FHIT: variants seen among roughly 807,000 people sequenced by gnomAD.
FHIT encodes the protein fragile histidine triad diadenosine triphosphatase.
FHIT carries 19 observed loss-of-function variants against 17.9 expected under a neutral mutation model. The observed-to-expected ratio is 1.06, with a 90% CI of 0.74 to 1.56. The LOEUF is 1.56. Ranked by LOEUF, FHIT falls within the 40% of genes most tolerant of loss-of-function variation. The probability of loss-of-function intolerance (pLI) is 0.00; values close to 1 mark genes in which losing one functional copy is unlikely to be tolerated. For synonymous variants in FHIT, 81 were observed against 69.7 expected, an observed-to-expected ratio of 1.16 and a Z score of -0.81; for missense variants, 248 against 189.2, an observed-to-expected ratio of 1.31 and a Z score of -1.82.
chr3:60,368,688 T>G (rs1447848674), intron 5 of FHIT, among the ~76,000 whole-genome samples: 1 of 152,140 alleles, frequency 6.6e-6, no homozygotes, highest in Non-Finnish European at 1.5e-5. Flanking sequence ...GTTCAATTTA[T>G]TAACTTATTT....
rs182284277 is a variant in FHIT at position 59,801,217 on chromosome 3, C to A, written c.349-48896G>T. Among the ~76,000 whole-genome samples, 377 of 152,266 alleles carry A rather than the reference C, an allele frequency of 2.5e-3. 3 individuals are homozygous for A. The highest frequency in any genetic ancestry group is 4.9e-4 in the Non-Finnish European group (33 of 68,024). ...TTTAATCCTTATGGCAATCCCATAA[C>A]CCTATAGGAAGCAGTCATCCTTTTA... On this transcript the variant is annotated intron_variant, in intron 8 of 9. Transcript: ENST00000492590.
chr3:59,842,373 A>G (rs191747944), intron 8 of FHIT, among the ~76,000 whole-genome samples: 102 of 152,316 alleles, frequency 6.7e-4, no homozygotes, highest in Non-Finnish European at 1.2e-3. Context: ...AATGTGGGTG[A>G]ACATGGGCGT....
chr3:60,562,421 G>A (rs1178710994), intron 4 of FHIT, among the ~76,000 whole-genome samples: 1 of 152,150 alleles, frequency 6.6e-6, no homozygotes, highest in African/African-American at 2.4e-5. Flanking sequence ...AAATTGGCCA[G>A]GTGGCGTCTC....
chr3:60,250,136 G>C (rs1559761226), intron 5 of FHIT, among the ~76,000 whole-genome samples: 2 of 151,460 alleles, frequency 1.3e-5, no homozygotes. Context: ...AGGGGAAAGA[G>C]AAAAAAAAGA....
chr3:60,073,080 A>C (rs1349773873), intron 5 of FHIT, among the ~76,000 whole-genome samples: 1 of 152,164 alleles, frequency 6.6e-6, no homozygotes, highest in Non-Finnish European at 1.5e-5. Context: ...TATTGGGGGA[A>C]ATTTCTGCAG....
chr3:60,955,633 T>TATATATATACACAC (rs1272864632), intron 3 of FHIT, among the ~76,000 whole-genome samples: 74 of 39,446 alleles, frequency 1.9e-3, no homozygotes, highest in African/African-American at 4.2e-3. Context: ...TATATATATA[T>TATATATATACACAC]ACACACACAC....
At chr3:60,296,281 C>T (rs1708204925) in intron 5 of FHIT, among the ~76,000 whole-genome samples, 1 of 152,138 alleles carries the variant, frequency 6.6e-6, no homozygotes, top group East Asian at 1.9e-4. Flanking sequence ...TTCACATAAA[C>T]CTCACAACTT....
intron 3 of FHIT, among the ~76,000 whole-genome samples, chr3:60,838,117 C>T (rs369308420): frequency 6.6e-6 from 1 of 152,020 alleles, no homozygotes; most frequent in African/African-American, 2.4e-5. Flanking sequence ...TCTTTTCTTT[C>T]GAGGCAGAGT....
chr3:61,124,149 G>A (rs2036542489), intron 2 of FHIT, among the ~76,000 whole-genome samples: 3 of 152,138 alleles, frequency 2.0e-5, no homozygotes, highest in South Asian at 2.1e-4. Flanking sequence ...GGTTGAGGAC[G>A]GCTATTAGAG....
At chr3:60,141,743 C>T (rs916697209) in intron 5 of FHIT, among the ~76,000 whole-genome samples, 1 of 152,122 alleles carries the variant, frequency 6.6e-6, no homozygotes, top group Non-Finnish European at 1.5e-5. Flanking sequence ...TCCATATTTT[C>T]CAGTTTAATT....
chr3:60,026,992 G>A (rs1019451645), intron 5 of FHIT, among the ~76,000 whole-genome samples: 8 of 151,842 alleles, frequency 5.3e-5, no homozygotes, highest in Non-Finnish European at 8.8e-5. Context: ...CCAGCTACTC[G>A]GAAAGCTGAG....
chr3:59,843,079 A>G (rs1339914965), intron 8 of FHIT, among the ~76,000 whole-genome samples: 4 of 152,182 alleles, frequency 2.6e-5, no homozygotes, highest in Non-Finnish European at 5.9e-5. Flanking sequence ...AAATTTTTAT[A>G]TGGTGTAAGG....
chr3:60,121,709 A>AACAAAACAAACAC (rs1705261038), intron 5 of FHIT, among the ~76,000 whole-genome samples: 1 of 116,336 alleles, frequency 8.6e-6, no homozygotes, highest in Non-Finnish European at 1.9e-5. Context: ...AAACAAAACA[A>AACAAAACAAACAC]ACACACACAC....
At chr3:60,154,395 A>T (rs1448837582) in intron 5 of FHIT, among the ~76,000 whole-genome samples, 1 of 152,234 alleles carries the variant, frequency 6.6e-6, no homozygotes, top group Non-Finnish European at 1.5e-5. Context: ...TCTGCTTTAG[A>T]AATCAGTCAT....
intron 5 of FHIT, among the ~76,000 whole-genome samples, chr3:60,093,196 C>A (rs1190393442): frequency 1.3e-5 from 2 of 152,144 alleles, no homozygotes; most frequent in Non-Finnish European, 1.5e-5. Flanking sequence ...CACCTTGAGC[C>A]TGACGCAGGT....
chr3:61,172,988 G>A (rs1452113728), intron 2 of FHIT, among the ~76,000 whole-genome samples: 1 of 152,188 alleles, frequency 6.6e-6, no homozygotes, highest in South Asian at 2.1e-4. Context: ...CACCTGCAAT[G>A]AAACAGGGCA....
At chr3:60,983,264 T>C (rs1278949171) in intron 3 of FHIT, among the ~76,000 whole-genome samples, 1 of 151,686 alleles carries the variant, frequency 6.6e-6, no homozygotes, top group African/African-American at 2.4e-5. Flanking sequence ...GAATGTGCCA[T>C]CCAGGGAAGG....
At chr3:60,408,117 T>C (rs770220636) in intron 5 of FHIT, among the ~76,000 whole-genome samples, 3 of 152,332 alleles carry the variant, frequency 2.0e-5, no homozygotes, top group South Asian at 2.1e-4. Context: ...GGTCAGTTTA[T>C]ATGTGTGTAA....
intron 3 of FHIT, among the ~76,000 whole-genome samples, chr3:60,869,072 A>G (rs1704284237): frequency 6.6e-6 from 1 of 152,186 alleles, no homozygotes; most frequent in African/African-American, 2.4e-5. Flanking sequence ...CTCTTACCTA[A>G]GGAAAGATTC....
Sources: allele counts gnomAD v4.1 joint callset (sites outside exome capture counted in the v4.1 genomes callset), GRCh38; gene constraint gnomAD v4.1.1; transcripts MANE v1.5; gene names NCBI Gene and HGNC (gene_info 2026-07-23, HGNC 2026-07-21).